The following SBNO1 variants were observed in gnomAD, a reference collection of about 807,000 sequenced individuals.
SBNO1 encodes the protein strawberry notch homolog 1, also known as protein strawberry notch homolog 1.
A neutral mutation model predicts 173.6 loss-of-function variants in SBNO1; 23 were observed. The ratio of observed to expected loss-of-function variants is 0.13; its 90% CI spans 0.10 to 0.19. The LOEUF (loss-of-function observed/expected upper bound fraction) is 0.19. Among genes scored for constraint, SBNO1 ranks in the 10% least tolerant of loss-of-function variants. The pLI, the probability that SBNO1 is intolerant of heterozygous loss-of-function variation, is 1.00. For synonymous variants in SBNO1, 632 were observed against 571.5 expected (o/e 1.11, Z -1.51); for missense variants, 1,238 against 1,671.2 (o/e 0.74, Z 4.52).
rs1318120843 is a variant in SBNO1 at position 123,345,347 on chromosome 12, A to G, written c.461T>C (p.Leu154Pro). The change falls in exon 4 of 32, where the codon CTT becomes CCT. Residue 154 changes from leucine to proline, a missense_variant. Transcript: ENST00000602398. ...TSAPSKDQVQLKDLLKNNSLN... is the reference protein window; with the variant it reads ...TSAPSKDQVQPKDLLKNNSLN... Reference sequence around the variant, plus strand: ...ACTATTATTTTTCAGTAGATCTTTAAGCTGAACTTGGTCTTTTGAAGGTGC... The same window carrying G: ...ACTATTATTTTTCAGTAGATCTTTAGGCTGAACTTGGTCTTTTGAAGGTGC... The G allele has an allele frequency of 6.2e-7, 1 of 1,614,138 alleles. No homozygotes were observed. Among genetic ancestry groups the G allele is most frequent in the Non-Finnish European group, 8.5e-7 (1 of 1,179,978 alleles).
chr12:123,307,135 G>C (rs1365898744), intron 28 of SBNO1, among the ~76,000 whole-genome samples: 1 of 151,594 alleles, frequency 6.6e-6, no homozygotes, highest in Non-Finnish European at 1.5e-5. Context: ...GCTGCAGTGA[G>C]CCATGATCAC....
intron 1 of SBNO1, among the ~76,000 whole-genome samples, chr12:123,358,381 T>C (rs569058537): frequency 8.1e-4 from 124 of 152,334 alleles, no homozygotes; most frequent in Admixed American, 2.9e-3. Context: ...GTTTTTTTCT[T>C]TTAACCTTCA....
At chr12:123,302,104 AT>A (rs200618906) in intron 30 of SBNO1, among the ~76,000 whole-genome samples, 49 of 147,158 alleles carry the variant, frequency 3.3e-4, no homozygotes, top group African/African-American at 1.0e-3. Flanking sequence ...CACCCAGCTA[AT>A]TTTTTTTTTA....
intron 30 of SBNO1, among the ~76,000 whole-genome samples, chr12:123,299,681 C>CAAAAAAAAAAAAAAAAAAAAAAAA (rs538218167): frequency 1.1e-5 from 1 of 93,894 alleles, no homozygotes; most frequent in Non-Finnish European, 1.9e-5. Flanking sequence ...ACTCTGTCTT[C>CAAAAAAAAAAAAAAAAAAAAAAAA]AAAAAAAAAA....
intron 4 of SBNO1, among the ~76,000 whole-genome samples, chr12:123,341,469 C>A (rs1220394640): frequency 1.3e-5 from 2 of 152,024 alleles, no homozygotes; most frequent in Non-Finnish European, 2.9e-5. Context: ...ATAAAAAACC[C>A]AGAAGTTTAC....
chr12:123,302,376 G>A (rs2048819193), intron 30 of SBNO1, among the ~76,000 whole-genome samples: 2 of 151,860 alleles, frequency 1.3e-5, no homozygotes, highest in South Asian at 4.2e-4. Context: ...CCAAGTAGCT[G>A]GGATTACAGG....
intron 1 of SBNO1, chr12:123,363,815 C>T (rs1212892318): frequency 1.0e-6 from 1 of 973,356 alleles, no homozygotes; most frequent in Non-Finnish European, 1.2e-6. Context: ...CAAACATTAA[C>T]CAAACAGAAG....
At chr12:123,346,557 G>A (rs1027282498) in intron 3 of SBNO1, among the ~76,000 whole-genome samples, 1 of 152,114 alleles carries the variant, frequency 6.6e-6, no homozygotes, top group Non-Finnish European at 1.5e-5. Flanking sequence ...CCAGCTACTC[G>A]GGAGGCTGAG....
intron 31 of SBNO1, 61 bp downstream of exon 31, chr12:123,297,917 G>A: frequency 1.4e-6 from 2 of 1,476,188 alleles, no homozygotes; most frequent in East Asian, 2.3e-5. Flanking sequence ...TATTAGCAAT[G>A]AGAAAAAAGT....
chr12:123,316,983 C>T (rs951368705), intron 21 of SBNO1, among the ~76,000 whole-genome samples: 3 of 151,902 alleles, frequency 2.0e-5, no homozygotes, highest in Admixed American at 6.6e-5. Context: ...ATTACAGGCA[C>T]GAGCCACTGC....
At chr12:123,314,334 A>T (rs79541831) in intron 23 of SBNO1, among the ~76,000 whole-genome samples, 7,118 of 147,818 alleles carry the variant, frequency 0.048, 298 homozygotes, top group East Asian at 0.26. Flanking sequence ...GCCCAACTAA[A>T]TTTTTTTTTT....
At chr12:123,303,123 C>T (rs1279802965) in intron 29 of SBNO1, among the ~76,000 whole-genome samples, 3 of 152,038 alleles carry the variant, frequency 2.0e-5, no homozygotes. Context: ...TAATTGTTTT[C>T]AAATCAGAAT....
intron 16 of SBNO1, among the ~76,000 whole-genome samples, chr12:123,322,441 G>A (rs1368665550): frequency 5.3e-5 from 8 of 152,152 alleles, no homozygotes; most frequent in Middle Eastern, 3.4e-3. Context: ...ATTATAAGGC[G>A]CCCCTGCCGC....
Position 123,294,681 on chromosome 12 carries a change from AAAAG to A in SBNO1, c.*1223_*1226del, listed in dbSNP as rs1325312644. 11 of 172,634 alleles carry A rather than the reference AAAAG, an allele frequency of 6.4e-5. No homozygotes were observed. Among genetic ancestry groups the A allele is most frequent in the South Asian group, 5.1e-4 (3 of 5,912 alleles). 10.7% of individuals were successfully genotyped at this position (172,634 alleles called of 1,614,324 possible). A position where few individuals can be genotyped will look rare whatever the true frequency, so the allele number is the denominator to read the frequency against. ...AAAAAAGAAAAAAAGAAAAGAAAGA[AAAAG>A]AAAGAAAAGATAAAAAGACCAACTG... On this transcript the variant is annotated 3_prime_UTR_variant, in exon 32 of 32. Coordinates refer to ENST00000602398, the MANE Select transcript of SBNO1 (RefSeq NM_001167856.3).
rs2048525648 is a variant in SBNO1, at chr12:123,292,436, G to C, written c.*3472C>G. 1 of 152,174 alleles carries C rather than the reference G, an allele frequency of 6.6e-6. No homozygotes were observed. Among genetic ancestry groups the C allele is most frequent in the Non-Finnish European group, 1.5e-5 (1 of 68,028 alleles). 9.4% of individuals were successfully genotyped at this position (152,174 alleles called of 1,614,324 possible). A position where few individuals can be genotyped will look rare whatever the true frequency, so the allele number is the denominator to read the frequency against. On this transcript the variant is annotated 3_prime_UTR_variant, in exon 32 of 32. Coordinates refer to ENST00000602398, the MANE Select transcript of SBNO1 (RefSeq NM_001167856.3). ...TTTTTTATCTCATGCTAAAATGAAA[G>C]TGGAGGGGAGAGGGAAGAAGGCTCC...
rs1177184399 is a variant in SBNO1 at position 123,331,448 on chromosome 12, T to C, written c.910-73A>G. 6 of 1,261,722 alleles carry C rather than the reference T, an allele frequency of 4.8e-6. No individual in the cohort carries two copies. In the South Asian group the frequency reaches 6.5e-5, roughly 14 times the overall value. The allele number at this position is 1,261,722 out of a possible 1,614,324, so 78.2% of individuals were successfully genotyped here. On this transcript the variant is annotated intron_variant, in intron 7 of 31. Transcript: ENST00000602398. ...GTGATCAATCTTTCATACACTGTTT[T>C]AGGAGTAGGAATATGTTATGTTTTT...
intron 5 of SBNO1, among the ~76,000 whole-genome samples, chr12:123,339,628 A>G (rs1872289892): frequency 6.6e-6 from 1 of 151,996 alleles, no homozygotes. Flanking sequence ...CTCTACTAAA[A>G]ACACAAAAAT....
At chr12:123,349,994 C>T (rs983543839) in intron 2 of SBNO1, among the ~76,000 whole-genome samples, 2 of 152,080 alleles carry the variant, frequency 1.3e-5, no homozygotes, top group East Asian at 1.9e-4. Flanking sequence ...TTGGCTCGCA[C>T]CTGTAATCCC....
At position 123,326,002 on chromosome 12, in the gene SBNO1, G is replaced by C. The variant is rs1298668370; in HGVS notation, c.1875+150C>G. The C allele has an allele frequency of 9.4e-6, 5 of 533,968 alleles. No individual in the cohort carries two copies. In the Admixed American group the frequency reaches 1.1e-4, roughly 11 times the overall value. The allele number at this position is 533,968 out of a possible 1,614,324, so 33.1% of individuals were successfully genotyped here. On this transcript the variant is annotated intron_variant, in intron 14 of 31. Transcript: ENST00000602398. ...CTGAACTCTCTAAATTCTCTAAGCA[G>C]GCATTGCTTTTATAATTTTAAGAAA... is the stretch of plus-strand genomic sequence containing the variant.
Sources: allele counts gnomAD v4.1 joint callset (sites outside exome capture counted in the v4.1 genomes callset), GRCh38; gene constraint gnomAD v4.1.1; transcripts MANE v1.5; gene names NCBI Gene and HGNC (gene_info 2026-07-23, HGNC 2026-07-21).